Variants in ADSS2 observed in about 807,000 individuals in gnomAD.
ADSS2 encodes the protein adenylosuccinate synthase 2.
In ADSS2, 30 loss-of-function variants were observed where a neutral mutation model predicts 60.0. That is an observed-to-expected ratio of 0.50 (90% CI 0.37 to 0.68). The LOEUF (loss-of-function observed/expected upper bound fraction) is 0.68, where lower values mean the gene tolerates loss of function less well. Ranked by LOEUF, ADSS2 falls within the 30% of genes least tolerant of loss-of-function variation. The probability of loss-of-function intolerance (pLI) is 0.00; values close to 1 mark genes in which losing one functional copy is unlikely to be tolerated. For synonymous variants in ADSS2, 187 were observed against 193.1 expected, an observed-to-expected ratio of 0.97 and a Z score of 0.26; for missense variants, 373 against 554.8, an observed-to-expected ratio of 0.67 and a Z score of 3.29.
chr1:244,447,420 T>G (rs1019011965), intron 1 of ADSS2, among the ~76,000 whole-genome samples: 2 of 152,138 alleles, frequency 1.3e-5, no homozygotes, highest in African/African-American at 4.8e-5. Context: ...ACCACTGAGA[T>G]GGTCTCATAC....
chr1:244,414,612 T>TA (rs1156531836), intron 11 of ADSS2, among the ~76,000 whole-genome samples: 1 of 152,208 alleles, frequency 6.6e-6, no homozygotes, highest in Non-Finnish European at 1.5e-5. Flanking sequence ...TTTACTCCAC[T>TA]AACCTTCCTC....
intron 11 of ADSS2, among the ~76,000 whole-genome samples, chr1:244,414,845 C>A (rs1664493427): frequency 6.6e-6 from 1 of 152,208 alleles, no homozygotes. Context: ...TTGGGAGGCA[C>A]AAAGCTCTGG....
At position 244,451,560 on chromosome 1, in the gene ADSS2, G is replaced by A; in HGVS notation, c.183+75C>T. 1.4e-6 allele frequency: 2 copies of A among 1,475,190 alleles called. No individual in the cohort carries two copies. Among genetic ancestry groups the A allele is most frequent in the Non-Finnish European group, 1.8e-6 (2 of 1,104,728 alleles). The allele number at this position is 1,475,190 out of a possible 1,614,324, so 91.4% of individuals were successfully genotyped here. A position where few individuals can be genotyped will look rare whatever the true frequency, so the allele number is the denominator to read the frequency against. ...GCCAGTGGATCCGGGTTCTGGGTCCGAGTTCCCGGGCACCAGGAGCCAGGC... is the reference window on the plus strand; with the variant it reads ...GCCAGTGGATCCGGGTTCTGGGTCCAAGTTCCCGGGCACCAGGAGCCAGGC... On this transcript the variant is annotated intron_variant, in intron 1 of 12. Transcript: ENST00000366535. The surrounding 1 kb of genome is among the most constrained non-coding windows in gnomAD (Gnocchi z 6.6).
chr1:244,450,331 AG>A (rs1395676104), intron 1 of ADSS2, among the ~76,000 whole-genome samples: 2 of 152,160 alleles, frequency 1.3e-5, no homozygotes, highest in East Asian at 3.9e-4. Context: ...AAGGAGGGAG[AG>A]GTGGTAGTGA....
chr1:244,444,469 C>T lies in ADSS2; in HGVS notation c.184-6701G>A, dbSNP rs1406974479. Among the ~76,000 whole-genome samples, 15 of 130,150 alleles carry T rather than the reference C, an allele frequency of 1.2e-4. No individual in the cohort carries two copies. In the Admixed American group the frequency reaches 1.2e-3, roughly 11 times the overall value. 85.4% of individuals were successfully genotyped at this position (130,150 alleles called of 152,430 possible). A position where few individuals can be genotyped will look rare whatever the true frequency, so the allele number is the denominator to read the frequency against. ...GGCGGAGCTTGCAGTGAGCCGAGAT[C>T]CCGCCACTGCACTCCAGCCTGGGCG... On this transcript the variant is annotated intron_variant, in intron 1 of 12. Transcript: ENST00000366535.
intron 4 of ADSS2, 185 bp from the exon 5 acceptor site, chr1:244,424,572 T>G: frequency 2.0e-6 from 1 of 504,924 alleles, no homozygotes. Context: ...TGAAAATGTC[T>G]GATCTTTCGT....
intron 1 of ADSS2, among the ~76,000 whole-genome samples, chr1:244,446,548 A>G (rs768619709): frequency 6.6e-5 from 10 of 152,214 alleles, no homozygotes; most frequent in African/African-American, 1.9e-4. Flanking sequence ...TCATACACAC[A>G]TAAATGTCAC....
intron 3 of ADSS2, among the ~76,000 whole-genome samples, chr1:244,435,573 T>A (rs1665077905): frequency 6.6e-6 from 1 of 151,962 alleles, no homozygotes; most frequent in Non-Finnish European, 1.5e-5. Context: ...CTTCTCTTCT[T>A]CCTCCTTCAT....
At chr1:244,444,514 C>CAAAAAAAAAAAAAAAAAAAAAAA (rs56001597) in intron 1 of ADSS2, among the ~76,000 whole-genome samples, 12 of 42,540 alleles carry the variant, frequency 2.8e-4, no homozygotes, top group African/African-American at 4.3e-4. Flanking sequence ...GACTCCATCT[C>CAAAAAAAAAAAAAAAAAAAAAAA]AAAAAAAAAA....
intron 8 of ADSS2, among the ~76,000 whole-genome samples, chr1:244,419,904 G>A (rs1020473802): frequency 3.3e-5 from 5 of 152,012 alleles, no homozygotes; most frequent in South Asian, 2.1e-4. Context: ...ATAAACCAAC[G>A]AAAACCACAA....
At chr1:244,426,266 A>G (rs2147999088) in intron 4 of ADSS2, among the ~76,000 whole-genome samples, 1 of 152,302 alleles carries the variant, frequency 6.6e-6, no homozygotes, top group East Asian at 1.9e-4. Context: ...TTTGTTTTCT[A>G]TGCTCAAAGA....
At chr1:244,441,911 A>G (rs938767515) in intron 1 of ADSS2, among the ~76,000 whole-genome samples, 4 of 152,052 alleles carry the variant, frequency 2.6e-5, no homozygotes, top group Admixed American at 6.6e-5. Context: ...AGCCGAGATC[A>G]CGCCACTGCA....
At chr1:244,433,972 TC>T (rs1029060665) in intron 3 of ADSS2, among the ~76,000 whole-genome samples, 6 of 151,738 alleles carry the variant, frequency 4.0e-5, no homozygotes, top group African/African-American at 1.4e-4. Context: ...GGTATATCTG[TC>T]CCCCCATTTA....
In ADSS2 at chr1:244,411,455, A is replaced by C. The variant is rs199610845; in HGVS notation, c.1169-19T>G. 50 of 1,604,096 alleles carry C rather than the reference A, an allele frequency of 3.1e-5. No individual in the cohort carries two copies. The highest frequency in any genetic ancestry group is 4.2e-6 in the Non-Finnish European group (5 of 1,177,248). Reference sequence around the variant, plus strand: ...TGGTTTGCTAAAAGTTAAAGAGGACATTTATTCATGGCACACACTGTTTAC... The same window carrying C: ...TGGTTTGCTAAAAGTTAAAGAGGACCTTTATTCATGGCACACACTGTTTAC... On this transcript the variant is annotated intron_variant, in intron 11 of 12. Coordinates refer to ENST00000366535, the MANE Select transcript of ADSS2 (RefSeq NM_001126.5).
intron 1 of ADSS2, among the ~76,000 whole-genome samples, chr1:244,448,698 G>A (rs191658695): frequency 6.6e-6 from 1 of 152,332 alleles, no homozygotes; most frequent in African/African-American, 2.4e-5. Flanking sequence ...TACTTTGAGA[G>A]AACTGGGGAA....
intron 3 of ADSS2, among the ~76,000 whole-genome samples, chr1:244,433,687 G>A (rs534890681): frequency 1.1e-3 from 172 of 151,980 alleles, no homozygotes; most frequent in African/African-American, 4.0e-3. Context: ...GTGAAACCCC[G>A]TCTTTACTAA....
chr1:244,415,205 G>C (rs4658639), intron 11 of ADSS2, among the ~76,000 whole-genome samples: 67,414 of 151,968 alleles, frequency 0.44, 15,790 homozygotes, highest in Non-Finnish European at 0.51. Context: ...TGTTCTTTTT[G>C]GTGTTTGAAG....
chr1:244,440,475 C>T (rs1158152609), intron 1 of ADSS2, among the ~76,000 whole-genome samples: 2 of 152,094 alleles, frequency 1.3e-5, no homozygotes, highest in Non-Finnish European at 2.9e-5. Flanking sequence ...CTGTAAGACA[C>T]ACTTTGGAAA....
At chr1:244,422,966 C>G (rs748474228) in intron 6 of ADSS2, 50 bp from the exon 7 acceptor site, 9 of 1,173,782 alleles carry the variant, frequency 7.7e-6, no homozygotes, top group East Asian at 2.5e-5. Context: ...AAAAATATTT[C>G]AAATAATATC....
Sources: gnomAD v4.1 joint callset for allele counts (sites outside exome capture counted in the v4.1 genomes callset) on GRCh38, gnomAD v4.1.1 for gene constraint, Gnocchi (gnomAD v3.1) non-coding constraint, MANE v1.5 for transcripts, NCBI Gene and HGNC (gene_info 2026-07-23, HGNC 2026-07-21) for gene names.